NDUFAF2: variants seen among roughly 807,000 people sequenced by gnomAD.
NDUFAF2 encodes NADH dehydrogenase [ubiquinone] 1 alpha subcomplex assembly factor 2.
In NDUFAF2, 13 loss-of-function variants were observed where a neutral mutation model predicts 22.8. That is an observed-to-expected ratio of 0.57 (90% CI 0.37 to 0.91). The LOEUF (loss-of-function observed/expected upper bound fraction) is 0.91, where lower values mean the gene tolerates loss of function less well. Among genes scored for constraint, NDUFAF2 ranks in the 40% least tolerant of loss-of-function variants. The probability of loss-of-function intolerance (pLI) is 0.01; values close to 1 mark genes in which losing one functional copy is unlikely to be tolerated. For synonymous variants in NDUFAF2, 53 were observed against 64.2 expected, an observed-to-expected ratio of 0.83 and a Z score of 0.84; for missense variants, 162 against 195.2, an observed-to-expected ratio of 0.83 and a Z score of 1.01.
At chr5:61,142,189 A>G (rs554757428) in intron 3 of NDUFAF2, among the ~76,000 whole-genome samples, 2 of 152,238 alleles carry the variant, frequency 1.3e-5, no homozygotes, top group South Asian at 4.2e-4. Context: ...TAACTGCTAA[A>G]TTTCTTTTTC....
At chr5:60,994,776 C>A (rs1209597456) in intron 1 of NDUFAF2, among the ~76,000 whole-genome samples, 2 of 152,170 alleles carry the variant, frequency 1.3e-5, no homozygotes, top group African/African-American at 4.8e-5. Flanking sequence ...TTTGAATAAA[C>A]TTTCCACTTT....
At chr5:61,105,375 G>A (rs972125864) in intron 3 of NDUFAF2, among the ~76,000 whole-genome samples, 1 of 151,290 alleles carries the variant, frequency 6.6e-6, no homozygotes, top group African/African-American at 2.5e-5. Context: ...GCCATTTTAT[G>A]TATAGAATCC....
At chr5:61,015,523 C>G (rs1043768775) in intron 1 of NDUFAF2, among the ~76,000 whole-genome samples, 1 of 152,076 alleles carries the variant, frequency 6.6e-6, no homozygotes, top group Non-Finnish European at 1.5e-5. Context: ...CTCAAGTGAT[C>G]CTCTCACCTC....
At chr5:61,128,871 A>G (rs905926851) in intron 3 of NDUFAF2, among the ~76,000 whole-genome samples, 1 of 152,102 alleles carries the variant, frequency 6.6e-6, no homozygotes, top group Non-Finnish European at 1.5e-5. Context: ...CAACCTACAG[A>G]ATGGGAGAAA....
chr5:60,995,916 G>T (rs1006573789), intron 1 of NDUFAF2, among the ~76,000 whole-genome samples: 5 of 152,048 alleles, frequency 3.3e-5, no homozygotes, highest in Non-Finnish European at 7.4e-5. Flanking sequence ...CATTTCAAAG[G>T]CCACCGCCAC....
chr5:61,125,187 C>T (rs1753022102), intron 3 of NDUFAF2, among the ~76,000 whole-genome samples: 1 of 152,030 alleles, frequency 6.6e-6, no homozygotes, highest in African/African-American at 2.4e-5. Context: ...CTTTTTTCTA[C>T]ATTCCCTTTC....
intron 2 of NDUFAF2, among the ~76,000 whole-genome samples, chr5:61,083,084 G>A (rs917338676): frequency 2.0e-5 from 3 of 152,038 alleles, no homozygotes; most frequent in Non-Finnish European, 4.4e-5. Context: ...GGTGTAAGAT[G>A]GTATCTCATT....
At chr5:61,023,457 T>G (rs940997078) in intron 1 of NDUFAF2, among the ~76,000 whole-genome samples, 3 of 152,136 alleles carry the variant, frequency 2.0e-5, no homozygotes, top group African/African-American at 7.2e-5. Flanking sequence ...TGATGGTTTC[T>G]TCAATTTATA....
At position 61,026,515 on chromosome 5, in the gene NDUFAF2, CTT is replaced by C. The variant is rs146554441; in HGVS notation, c.128-46609_128-46608del. On this transcript the variant is annotated intron_variant, in intron 1 of 3. Transcript: ENST00000296597. ...TTTAAACAGAAAGAATAAGATAGCT[CTT>C]GAAGTTAAAAAAGGTTGTATAGTAC... Among the ~76,000 whole-genome samples, 800 of 152,030 alleles carry C rather than the reference CTT, an allele frequency of 5.3e-3. 10 individuals are homozygous for C. The highest frequency in any genetic ancestry group is 0.019 in the African/African-American group (772 of 41,504).
chr5:61,004,023 T>G (rs576082703), intron 1 of NDUFAF2, among the ~76,000 whole-genome samples: 1 of 150,460 alleles, frequency 6.6e-6, no homozygotes, highest in South Asian at 2.1e-4. Flanking sequence ...CTTTTTTTTC[T>G]TGAAAACATT....
At chr5:60,986,813 T>C (rs1188401306) in intron 1 of NDUFAF2, among the ~76,000 whole-genome samples, 6 of 151,670 alleles carry the variant, frequency 4.0e-5, no homozygotes, top group Admixed American at 4.0e-4. Context: ...GTGCCTGCAA[T>C]CCCAGCTATT....
chr5:61,121,830 C>CTTTTTTTTTTTTTTT (rs947178059), intron 3 of NDUFAF2, among the ~76,000 whole-genome samples: 1 of 143,350 alleles, frequency 7.0e-6, no homozygotes, highest in Admixed American at 7.2e-5. Flanking sequence ...CTTTTCTTTT[C>CTTTTTTTTTTTTTTT]TTTTTTTTTT....
intron 3 of NDUFAF2, among the ~76,000 whole-genome samples, chr5:61,140,918 T>G (rs1040374774): frequency 3.3e-5 from 5 of 152,162 alleles, no homozygotes; most frequent in African/African-American, 1.2e-4. Flanking sequence ...AACCCTCCAG[T>G]CCACTCTGGA....
chr5:61,149,381 A>G (rs1326272926), intron 3 of NDUFAF2, among the ~76,000 whole-genome samples: 1 of 152,216 alleles, frequency 6.6e-6, no homozygotes, highest in Non-Finnish European at 1.5e-5. Flanking sequence ...GAGACTAAAA[A>G]AGTTAAGTAG....
At chr5:61,030,212 G>A (rs1459005926) in intron 1 of NDUFAF2, among the ~76,000 whole-genome samples, 1 of 152,062 alleles carries the variant, frequency 6.6e-6, no homozygotes, top group Non-Finnish European at 1.5e-5. Context: ...AGGAATCTTA[G>A]GGGATGTGTC....
chr5:61,102,615 G>A (rs1422378731), intron 3 of NDUFAF2, among the ~76,000 whole-genome samples: 2 of 152,002 alleles, frequency 1.3e-5, no homozygotes, highest in East Asian at 3.9e-4. Flanking sequence ...GTAGACAGGA[G>A]ACAGAACAAT....
intron 1 of NDUFAF2, among the ~76,000 whole-genome samples, chr5:60,987,877 C>T (rs1751103424): frequency 6.6e-6 from 1 of 152,120 alleles, no homozygotes; most frequent in Non-Finnish European, 1.5e-5. Context: ...GACCAGAATG[C>T]CCTCTCCTAC....
At chr5:61,107,638 G>A (rs942462348) in intron 3 of NDUFAF2, among the ~76,000 whole-genome samples, 1 of 150,226 alleles carries the variant, frequency 6.7e-6, no homozygotes, top group East Asian at 1.9e-4. Flanking sequence ...TGCTTGTGGG[G>A]TATTTCTCTT....
chr5:61,132,866 G>A (rs1259970571), intron 3 of NDUFAF2, among the ~76,000 whole-genome samples: 1 of 151,698 alleles, frequency 6.6e-6, no homozygotes, highest in Non-Finnish European at 1.5e-5. Flanking sequence ...TGGCCACAAG[G>A]TCACATTTTC....
Sources: allele counts gnomAD v4.1 joint callset (sites outside exome capture counted in the v4.1 genomes callset), GRCh38; gene constraint gnomAD v4.1.1; transcripts MANE v1.5; gene names NCBI Gene and HGNC (gene_info 2026-07-23, HGNC 2026-07-21).